Variants in WDR55 observed in about 807,000 individuals in gnomAD.
WDR55 encodes the protein WD repeat-containing protein 55.
A neutral mutation model predicts 34.0 loss-of-function variants in WDR55; 31 were observed. The observed-to-expected ratio is 0.91, with a 90% CI of 0.69 to 1.23. WDR55 has a LOEUF of 1.23. WDR55 is among the 50% of genes most tolerant of loss of function. The pLI, the probability that WDR55 is intolerant of heterozygous loss-of-function variation, is 0.00. For missense variants in WDR55, 440 were observed against 494.6 expected (o/e 0.89, Z 1.05); for synonymous variants, 164 against 185.9 (o/e 0.88, Z 0.96).
In WDR55 at chr5:140,665,039, G is replaced by GGGCT; in HGVS notation, c.131_134dup (p.Phe46GlyfsTer7). 6.2e-7 allele frequency: 1 copy of GGGCT among 1,613,724 alleles called. No individual in the cohort carries two copies. The highest frequency in any genetic ancestry group is 8.5e-7 in the Non-Finnish European group (1 of 1,179,718). On this transcript the variant is annotated frameshift_variant, in exon 1 of 7. Transcript: ENST00000358337. LOFTEE classifies it high-confidence loss of function. ...CATCGTGCTGGAAGCTCCGGCTAGT[G>GGGCT]GGCTGGCGTTCCATCCGGCCCGTGA...
At position 140,671,247 on chromosome 5, in the gene WDR55, C is replaced by T. The variant is rs1758065146; in HGVS notation, c.*1593C>T. On this transcript the variant is annotated 3_prime_UTR_variant, in exon 7 of 7. Coordinates refer to ENST00000358337, the MANE Select transcript of WDR55 (RefSeq NM_017706.5). ...AGGCCTGCTGGGATGGGGCCTGACA[C>T]AGGCTCTGCATGCCCATTCAGGGTG... 3.7e-6 allele frequency: 6 copies of T among 1,610,148 alleles called. No individual in the cohort carries two copies. The highest frequency in any genetic ancestry group is 5.1e-6 in the Non-Finnish European group (6 of 1,178,400).
At chr5:140,667,073 A>C in intron 1 of WDR55, 3 of 985,388 alleles carry the variant, frequency 3.0e-6, no homozygotes, top group Non-Finnish European at 3.6e-6. Flanking sequence ...TGCAGAGGGG[A>C]CAAGTTTGCA....
At chr5:140,668,388 A>C in intron 2 of WDR55, 27 bp from the exon 3 acceptor site, 2 of 1,614,208 alleles carry the variant, frequency 1.2e-6, no homozygotes, top group Non-Finnish European at 1.7e-6. Context: ...AGTGAGCAGC[A>C]CCATGACCTG....
At chr5:140,667,998 A>C (rs543372813) in intron 1 of WDR55, 3 of 390,990 alleles carry the variant, frequency 7.7e-6, no homozygotes, top group Non-Finnish European at 1.4e-5. Context: ...GTTGGGTGGG[A>C]TCACAAAGAA....
Position 140,668,743 on chromosome 5 carries a change from T to A in WDR55, c.512T>A (p.Ile171Asn), listed in dbSNP as rs1757983248. The A allele has an allele frequency of 1.9e-6, 3 of 1,614,134 alleles. No homozygotes were observed. The highest frequency in any genetic ancestry group is 2.5e-6 in the Non-Finnish European group (3 of 1,180,028). ...GATATGAGGCAACATGAAGAGTACATCGCAGACATGGCTCTGGATCCAGCC... is the reference window on the plus strand; with the variant it reads ...GATATGAGGCAACATGAAGAGTACAACGCAGACATGGCTCTGGATCCAGCC... ...LMDMRQHEEY[I>N]ADMALDPAKK... Residue 171 changes from isoleucine (I) to asparagine (N), a missense_variant, in exon 4 of 7, where the codon ATC becomes AAC. Coordinates refer to ENST00000358337, the MANE Select transcript of WDR55 (RefSeq NM_017706.5).
intron 1 of WDR55, chr5:140,668,028 T>G: frequency 2.0e-6 from 1 of 502,438 alleles, no homozygotes; most frequent in Non-Finnish European, 3.4e-6. Context: ...AAATATACCT[T>G]GAACTAACAT....
Position 140,669,838 on chromosome 5 carries a change from TC to T in WDR55, c.*186del. 1.6e-6 allele frequency: 1 copy of T among 637,578 alleles called. No individual in the cohort carries two copies. Among genetic ancestry groups the T allele is most frequent in the Non-Finnish European group, 2.7e-6 (1 of 371,222 alleles). The allele number at this position is 637,578 out of a possible 1,614,324, so 39.5% of individuals were successfully genotyped here. A position where few individuals can be genotyped will look rare whatever the true frequency, so the allele number is the denominator to read the frequency against. ...AATGTCCCCAGGCTCAGATTGTCCT[TC>T]CACCTTAGCCTCTGGAGCAGCTGGG... On this transcript the variant is annotated 3_prime_UTR_variant, in exon 7 of 7. Transcript: ENST00000358337.
In WDR55 at chr5:140,668,912, C is replaced by G. The variant is rs1757989712; in HGVS notation, c.582C>G (p.Ile194Met). 6.2e-7 allele frequency: 1 copy of G among 1,614,242 alleles called. No individual in the cohort carries two copies. The highest frequency in any genetic ancestry group is 8.5e-7 in the Non-Finnish European group (1 of 1,180,046). Residue 194 changes from isoleucine to methionine, a missense_variant, in exon 5 of 7, where the codon ATC becomes ATG. Transcript: ENST00000358337. The part of the protein sequence containing the change: ...LTASGDGCLG[I>M]FNIKRRRFEL... The stretch of plus-strand genomic sequence containing the variant: ...ACAGCGGGGATGGCTGCCTTGGCAT[C>G]TTCAACATTAAGAGGCGTCGGTTTG...
Position 140,668,253 on chromosome 5 carries a change from G to C in WDR55, c.211G>C (p.Glu71Gln). The change falls in exon 2 of 7, where the codon GAG becomes CAG. Residue 71 changes from glutamate to glutamine, a missense_variant. By Grantham distance (29) the Glu-to-Gln change is conservative. Transcript: ENST00000358337. ...DVFVFSYSCQ[E>Q]GETKELWSSG... ...CCCCAGCTTTTCCTACTCTTGCCAA[G>C]AGGGAGAAACCAAGGAGCTCTGGTC... The C allele has an allele frequency of 6.2e-7, 1 of 1,610,086 alleles. No homozygotes were observed. Among genetic ancestry groups the C allele is most frequent in the Non-Finnish European group, 8.5e-7 (1 of 1,177,404 alleles).
chr5:140,670,013 G>A lies in WDR55; in HGVS notation c.*359G>A, dbSNP rs1223141215. ...CAAAGTGCTGGGATTACAGGCACGA[G>A]CCACCACACCTGGCCAAAAAAATTT... On this transcript the variant is annotated 3_prime_UTR_variant, in exon 7 of 7. Coordinates refer to ENST00000358337, the MANE Select transcript of WDR55 (RefSeq NM_017706.5). The A allele has an allele frequency of 9.7e-6, 2 of 205,608 alleles. No homozygotes were observed. The highest frequency in any genetic ancestry group is 2.0e-5 in the Non-Finnish European group (2 of 100,748). The allele number at this position is 205,608 out of a possible 1,614,324, so 12.7% of individuals were successfully genotyped here. A position where few individuals can be genotyped will look rare whatever the true frequency, so the allele number is the denominator to read the frequency against.
In WDR55 at chr5:140,669,202, G is replaced by A; in HGVS notation, c.784G>A (p.Val262Ile). ...RAESIDCMVP[V>I]TESLLCTGST... Reference sequence around the variant, plus strand: ...TGAATCTATCGACTGCATGGTTCCAGTCACCGAGAGTCTGCTGTGTACTGG... The same window carrying A: ...TGAATCTATCGACTGCATGGTTCCAATCACCGAGAGTCTGCTGTGTACTGG... The change falls in exon 6 of 7, where the codon GTC (valine) becomes ATC (isoleucine). Residue 262 changes from valine (V) to isoleucine (I), a missense_variant. By Grantham distance (29) the Val-to-Ile change is conservative (BLOSUM62 3). Coordinates refer to ENST00000358337, the MANE Select transcript of WDR55 (RefSeq NM_017706.5). 6.2e-7 allele frequency: 1 copy of A among 1,613,884 alleles called. No individual in the cohort carries two copies. Among genetic ancestry groups the A allele is most frequent in the Non-Finnish European group, 8.5e-7 (1 of 1,180,034 alleles).
chr5:140,665,883 C>T (rs1197119231), intron 1 of WDR55, among the ~76,000 whole-genome samples: 1 of 151,670 alleles, frequency 6.6e-6, no homozygotes, highest in Non-Finnish European at 1.5e-5. Flanking sequence ...GGCCTGTAAT[C>T]CCAGCTACAC....
chr5:140,666,770 G>A lies in WDR55; in HGVS notation c.192-1464G>A, dbSNP rs544048439. On this transcript the variant is annotated intron_variant, in intron 1 of 6. Coordinates refer to ENST00000358337, the MANE Select transcript of WDR55 (RefSeq NM_017706.5). ...TGTACATGTACACAAAATGCTGATC[G>A]TAGCTTACTAGTCCGTTATATGACT... The A allele has an allele frequency of 2.6e-4, 260 of 985,298 alleles. 2 individuals are homozygous for A. In the South Asian group the frequency reaches 4.1e-3, roughly 16 times the overall value. 61.0% of individuals were successfully genotyped at this position (985,298 alleles called of 1,614,324 possible). A position where few individuals can be genotyped will look rare whatever the true frequency, so the allele number is the denominator to read the frequency against.
chr5:140,667,258 C>T (rs1436257767), intron 1 of WDR55: 7 of 510,834 alleles, frequency 1.4e-5, no homozygotes, highest in Non-Finnish European at 1.8e-5. Flanking sequence ...TTGGTTCTCC[C>T]CTTCCCCACC....
In WDR55 at chr5:140,669,816, G is replaced by A; in HGVS notation, c.*162G>A. 3 of 696,118 alleles carry A rather than the reference G, an allele frequency of 4.3e-6. No homozygotes were observed. The highest frequency in any genetic ancestry group is 7.2e-6 in the Non-Finnish European group (3 of 418,696). 43.1% of individuals were successfully genotyped at this position (696,118 alleles called of 1,614,324 possible). A position where few individuals can be genotyped will look rare whatever the true frequency, so the allele number is the denominator to read the frequency against. ...GATCTTGGCTCACTGCAGCCTCAATGTCCCCAGGCTCAGATTGTCCTTCCA... is the reference window on the plus strand; with the variant it reads ...GATCTTGGCTCACTGCAGCCTCAATATCCCCAGGCTCAGATTGTCCTTCCA... On this transcript the variant is annotated 3_prime_UTR_variant, in exon 7 of 7. Transcript: ENST00000358337.
Position 140,671,862 on chromosome 5 carries a change from G to T in WDR55, c.*2208G>T. The T allele has an allele frequency of 8.2e-7, 1 of 1,220,938 alleles. No homozygotes were observed. Among genetic ancestry groups the T allele is most frequent in the Non-Finnish European group, 1.2e-6 (1 of 849,504 alleles). The allele number at this position is 1,220,938 out of a possible 1,614,324, so 75.6% of individuals were successfully genotyped here. A position where few individuals can be genotyped will look rare whatever the true frequency, so the allele number is the denominator to read the frequency against. On this transcript the variant is annotated 3_prime_UTR_variant, in exon 7 of 7. Coordinates refer to ENST00000358337, the MANE Select transcript of WDR55 (RefSeq NM_017706.5). ...GTTATTTGTAGCCTTCCCATTTCCT[G>T]GTAGTGTGACCATGGGTAAGAAAAG...
chr5:140,666,784 C>A, intron 1 of WDR55: 1 of 985,242 alleles, frequency 1.0e-6, no homozygotes, highest in Non-Finnish European at 1.2e-6. Flanking sequence ...CTTACTAGTC[C>A]GTTATATGAC....
chr5:140,669,525 G>T lies in WDR55; in HGVS notation c.1023G>T (p.Lys341Asn). 6.2e-7 allele frequency: 1 copy of T among 1,614,022 alleles called. No individual in the cohort carries two copies. The highest frequency in any genetic ancestry group is 1.1e-5 in the South Asian group (1 of 91,052). Residue 341 changes from lysine (K) to asparagine (N), a missense_variant, in exon 7 of 7, where the codon AAG (lysine) becomes AAT (asparagine). By Grantham distance (94) the Lys-to-Asn change is moderately conservative (BLOSUM62 0). Coordinates refer to ENST00000358337, the MANE Select transcript of WDR55 (RefSeq NM_017706.5). Reference sequence around the variant, plus strand: ...ATGACTACCGTCGGCGCAAAAAAAAGGGAGGACCACTGCGGGCTCTGAGCA... The same window carrying T: ...ATGACTACCGTCGGCGCAAAAAAAATGGAGGACCACTGCGGGCTCTGAGCA... ...VVDDYRRRKK[K>N]GGPLRALSSK...
At chr5:140,666,310 C>T (rs1437278963) in intron 1 of WDR55, among the ~76,000 whole-genome samples, 2 of 152,006 alleles carry the variant, frequency 1.3e-5, no homozygotes, top group Admixed American at 6.6e-5. Context: ...GCAGGAGAAT[C>T]GCTTGAACCT....
Sources: gnomAD v4.1 joint callset for allele counts (sites outside exome capture counted in the v4.1 genomes callset) on GRCh38, gnomAD v4.1.1 for gene constraint, MANE v1.5 for transcripts, NCBI Gene and HGNC (gene_info 2026-07-23, HGNC 2026-07-21) for gene names.